EYS: variants seen among roughly 807,000 people sequenced by gnomAD.
EYS encodes the protein protein eyes shut homolog.
A neutral mutation model predicts 282.1 loss-of-function variants in EYS; 250 were observed. That is an observed-to-expected ratio of 0.89 (90% CI 0.80 to 0.98). The LOEUF (loss-of-function observed/expected upper bound fraction) is 0.98, where lower values mean the gene tolerates loss of function less well. Ranked by LOEUF, EYS falls within the 50% of genes least tolerant of loss-of-function variation. The pLI is 0.00. For synonymous variants in EYS, 1,355 were observed against 1,282.9 expected (o/e 1.06, Z -1.20); for missense variants, 4,016 against 3,709.0 (o/e 1.08, Z -2.15).
At chr6:64,095,991 T>C (rs1772595913) in intron 31 of EYS, among the ~76,000 whole-genome samples, 1 of 152,208 alleles carries the variant, frequency 6.6e-6, no homozygotes, top group African/African-American at 2.4e-5. Flanking sequence ...CTGTAAAGTA[T>C]TTTATTTCTC....
chr6:65,489,933 A>C (rs1194002077), intron 5 of EYS: 1 of 152,172 alleles, frequency 6.6e-6, no homozygotes, highest in Non-Finnish European at 1.5e-5. Flanking sequence ...AACAATGAGA[A>C]CACATGGACA....
chr6:65,612,089 T>C (rs968569185), intron 2 of EYS, among the ~76,000 whole-genome samples: 1 of 151,752 alleles, frequency 6.6e-6, no homozygotes, highest in Non-Finnish European at 1.5e-5. Context: ...GGTATAAAAA[T>C]ATATTAAATT....
At chr6:64,593,422 C>A in intron 24 of EYS, 113 bp from the exon 25 acceptor site, 1 of 651,612 alleles carries the variant, frequency 1.5e-6, no homozygotes, top group Non-Finnish European at 2.4e-6. Flanking sequence ...TTGGATAGCT[C>A]AAATAAAATA....
At chr6:64,013,914 A>G (rs962299172) in intron 33 of EYS, among the ~76,000 whole-genome samples, 6 of 152,124 alleles carry the variant, frequency 3.9e-5, no homozygotes, top group Non-Finnish European at 8.8e-5. Flanking sequence ...TAAGAATATT[A>G]CCCTAAAACC....
At position 64,743,255 on chromosome 6, in the gene EYS, G is replaced by C. The variant is rs138663651; in HGVS notation, c.3443+70123C>G. Among the ~76,000 whole-genome samples the C allele has an allele frequency of 6.1e-3, 930 of 152,114 alleles. 8 individuals are homozygous for C. The highest frequency in any genetic ancestry group is 0.011 in the Non-Finnish European group (751 of 67,960). ...ATAATTTTTTTGAACCTTACTGGTA[G>C]TGCCTACAGAACCATGGGGTGATTT... On this transcript the variant is annotated intron_variant, in intron 22 of 42. Transcript: ENST00000503581.
At chr6:64,154,440 CAAAAAAAAAAAAA>C (rs397819570) in intron 31 of EYS, among the ~76,000 whole-genome samples, 1 of 59,482 alleles carries the variant, frequency 1.7e-5, no homozygotes, top group Non-Finnish European at 3.6e-5. Context: ...AACTCCGTCT[CAAAAAAAAAAAAA>C]AAAAAAAAAA....
chr6:64,941,226 C>G (rs1372648388), intron 15 of EYS, among the ~76,000 whole-genome samples: 1 of 151,960 alleles, frequency 6.6e-6, no homozygotes, highest in South Asian at 2.1e-4. Context: ...ACTACAAATA[C>G]AAAAATTATC....
intron 15 of EYS, among the ~76,000 whole-genome samples, chr6:64,938,984 T>TG (rs1177285588): frequency 6.6e-6 from 1 of 151,728 alleles, no homozygotes. Context: ...GTGAATTGTA[T>TG]GGTGTGTTAA....
intron 22 of EYS, among the ~76,000 whole-genome samples, chr6:64,706,414 T>C (rs1049736217): frequency 6.6e-6 from 1 of 151,938 alleles, no homozygotes; most frequent in Admixed American, 6.5e-5. Context: ...AAAGACTTCA[T>C]GACCAAGTAC....
At chr6:65,024,194 T>A (rs535026273) in intron 13 of EYS, among the ~76,000 whole-genome samples, 1 of 152,318 alleles carries the variant, frequency 6.6e-6, no homozygotes, top group East Asian at 1.9e-4. Context: ...ATATAGCTGG[T>A]GCTCATATGT....
At chr6:65,167,694 G>T (rs983995494) in intron 12 of EYS, among the ~76,000 whole-genome samples, 1 of 151,182 alleles carries the variant, frequency 6.6e-6, no homozygotes, top group Non-Finnish European at 1.5e-5. Flanking sequence ...GGCAACTATT[G>T]ATTATTATAT....
At chr6:64,421,200 T>C (rs1290497092) in intron 28 of EYS, among the ~76,000 whole-genome samples, 2 of 152,120 alleles carry the variant, frequency 1.3e-5, no homozygotes, top group Non-Finnish European at 2.9e-5. Context: ...AAACATGTCC[T>C]TCTTCACATG....
chr6:63,922,672 C>T (rs2149744687), intron 35 of EYS, among the ~76,000 whole-genome samples: 1 of 152,284 alleles, frequency 6.6e-6, no homozygotes, highest in East Asian at 1.9e-4. Context: ...TCTCATACCT[C>T]ACTATTAATT....
intron 40 of EYS, among the ~76,000 whole-genome samples, chr6:63,775,768 T>C (rs973861114): frequency 1.3e-5 from 2 of 152,186 alleles, no homozygotes; most frequent in Non-Finnish European, 2.9e-5. Context: ...AATAAAATTC[T>C]TTAAACTGCT....
chr6:65,638,234 A>G (rs1481447350), intron 2 of EYS, among the ~76,000 whole-genome samples: 1 of 152,118 alleles, frequency 6.6e-6, no homozygotes, highest in Non-Finnish European at 1.5e-5. Flanking sequence ...GAAAGGAGCG[A>G]TCCACTAGGG....
At chr6:63,909,168 T>A (rs528635619) in intron 35 of EYS, among the ~76,000 whole-genome samples, 3 of 152,208 alleles carry the variant, frequency 2.0e-5, no homozygotes, top group Admixed American at 2.0e-4. Flanking sequence ...ATGCCCTCTA[T>A]GTGGCCTTCT....
chr6:63,846,623 A>G (rs569249447), intron 36 of EYS, among the ~76,000 whole-genome samples: 1 of 152,334 alleles, frequency 6.6e-6, no homozygotes. Context: ...TTAATCAAGA[A>G]TACAAATCAA....
intron 42 of EYS, among the ~76,000 whole-genome samples, chr6:63,722,572 G>C (rs1390252749): frequency 6.6e-6 from 1 of 152,188 alleles, no homozygotes; most frequent in Non-Finnish European, 1.5e-5. Flanking sequence ...GAAAAAGCAT[G>C]TTCTTCACTG....
chr6:64,893,481 G>A (rs1409729180), intron 18 of EYS, among the ~76,000 whole-genome samples: 5 of 151,920 alleles, frequency 3.3e-5, no homozygotes, highest in Non-Finnish European at 5.9e-5. Flanking sequence ...AAATGAGTTG[G>A]TAGATTACTT....
Sources: gnomAD v4.1 joint callset for allele counts (sites outside exome capture counted in the v4.1 genomes callset) on GRCh38, gnomAD v4.1.1 for gene constraint, MANE v1.5 for transcripts, NCBI Gene and HGNC (gene_info 2026-07-23, HGNC 2026-07-21) for gene names.